Variants in NRXN3 observed in about 807,000 individuals in gnomAD.
NRXN3 encodes neurexin 3, also known as neurexin III.
NRXN3 carries 32 observed loss-of-function variants against 137.6 expected under a neutral mutation model. The observed-to-expected ratio is 0.23, with a 90% CI of 0.18 to 0.31. NRXN3 has a LOEUF of 0.31. Ranked by LOEUF, NRXN3 falls within the 10% of genes least tolerant of loss-of-function variation. The pLI, the probability that NRXN3 is intolerant of heterozygous loss-of-function variation, is 1.00. For synonymous variants in NRXN3, 798 were observed against 784.5 expected, an observed-to-expected ratio of 1.02 and a Z score of -0.29; for missense variants, 1,574 against 2,062.5, an observed-to-expected ratio of 0.76 and a Z score of 4.59.
chr14:78,236,117 C>A (rs765816836), intron 1 of NRXN3, among the ~76,000 whole-genome samples: 31 of 152,106 alleles, frequency 2.0e-4, no homozygotes, highest in Non-Finnish European at 1.8e-4. Flanking sequence ...CATTAAGTTG[C>A]TTTTATTGAA....
intron 8 of NRXN3, among the ~76,000 whole-genome samples, chr14:78,767,582 G>A (rs1206877130): frequency 2.0e-5 from 3 of 152,198 alleles, no homozygotes; most frequent in African/African-American, 7.2e-5. Context: ...AATTGTTACA[G>A]TGAAATTAGA....
chr14:79,055,312 T>C (rs1468175556), intron 15 of NRXN3, among the ~76,000 whole-genome samples: 1 of 152,226 alleles, frequency 6.6e-6, no homozygotes, highest in East Asian at 1.9e-4. Context: ...ATTGGGCAAG[T>C]GGCAGTATAC....
At chr14:79,438,861 C>T (rs1382837090) in intron 15 of NRXN3, among the ~76,000 whole-genome samples, 2 of 152,112 alleles carry the variant, frequency 1.3e-5, no homozygotes, top group African/African-American at 4.8e-5. Context: ...AAGTAGAAGC[C>T]CGATGACTTC....
intron 16 of NRXN3, among the ~76,000 whole-genome samples, chr14:79,589,655 G>A (rs1246223444): frequency 1.3e-5 from 2 of 149,436 alleles, no homozygotes; most frequent in East Asian, 3.9e-4. Context: ...TGCTTTTTAA[G>A]TGGCATTTTC....
intron 4 of NRXN3, among the ~76,000 whole-genome samples, chr14:78,394,899 C>A (rs79751276): frequency 2.0e-5 from 3 of 151,434 alleles, no homozygotes; most frequent in African/African-American, 7.3e-5. Context: ...TTGATATGTT[C>A]GGGGGCTGTA....
intron 19 of NRXN3, among the ~76,000 whole-genome samples, chr14:79,796,802 G>A (rs2099162266): frequency 6.6e-6 from 1 of 152,196 alleles, no homozygotes; most frequent in Admixed American, 6.5e-5. Context: ...GATGGGTAGA[G>A]GTTTTAGGGA....
At chr14:79,460,985 C>T (rs777127241) in intron 15 of NRXN3, among the ~76,000 whole-genome samples, 2 of 152,162 alleles carry the variant, frequency 1.3e-5, no homozygotes, top group Non-Finnish European at 2.9e-5. Flanking sequence ...GTAGATAAAA[C>T]AGATCATTCA....
chr14:79,028,349 T>C (rs561613602), intron 15 of NRXN3, among the ~76,000 whole-genome samples: 1 of 152,282 alleles, frequency 6.6e-6, no homozygotes, highest in South Asian at 2.1e-4. Flanking sequence ...TTTTGAGCTC[T>C]TTTTCAGAAT....
intron 16 of NRXN3, 86 bp from the exon 17 acceptor site, chr14:79,663,692 G>A (rs2098545155): frequency 1.7e-6 from 2 of 1,187,096 alleles, no homozygotes; most frequent in South Asian, 1.4e-5. Context: ...GCACCTACAG[G>A]TTTATTGCTG....
intron 15 of NRXN3, among the ~76,000 whole-genome samples, chr14:79,449,546 T>C (rs1413020636): frequency 6.6e-6 from 1 of 152,222 alleles, no homozygotes; most frequent in Admixed American, 6.5e-5. Context: ...ACTTCTCTTA[T>C]CACTTCCTTG....
At chr14:78,171,646 C>T (rs777010931) in intron 1 of NRXN3, among the ~76,000 whole-genome samples, 1 of 151,600 alleles carries the variant, frequency 6.6e-6, no homozygotes, top group Non-Finnish European at 1.5e-5. Flanking sequence ...AAAAATGTGT[C>T]CCCCCACCCC....
At chr14:78,746,382 A>C (rs1009139749) in intron 8 of NRXN3, among the ~76,000 whole-genome samples, 5 of 152,226 alleles carry the variant, frequency 3.3e-5, no homozygotes, top group Non-Finnish European at 7.3e-5. Flanking sequence ...TCACAAAAGC[A>C]TACTCTTTCC....
chr14:78,712,966 G>C (rs1051272905), intron 7 of NRXN3, among the ~76,000 whole-genome samples: 4 of 152,242 alleles, frequency 2.6e-5, no homozygotes, highest in African/African-American at 9.6e-5. Flanking sequence ...GAATCAGACA[G>C]AGGTGAAGGC....
chr14:79,155,749 A>G (rs1392720034), intron 15 of NRXN3, among the ~76,000 whole-genome samples: 1 of 151,870 alleles, frequency 6.6e-6, no homozygotes, highest in Non-Finnish European at 1.5e-5. Flanking sequence ...TTAAAGATAT[A>G]TAAGTGCTTA....
chr14:78,604,126 C>G (rs1246603934), intron 4 of NRXN3, among the ~76,000 whole-genome samples: 1 of 152,130 alleles, frequency 6.6e-6, no homozygotes, highest in East Asian at 1.9e-4. Context: ...ATAAAATCAT[C>G]AGATCTTGTG....
chr14:78,694,476 T>G (rs1209575235), intron 6 of NRXN3, among the ~76,000 whole-genome samples: 1 of 151,954 alleles, frequency 6.6e-6, no homozygotes, highest in Non-Finnish European at 1.5e-5. Context: ...CCCCAGATCA[T>G]TCTAAGTTTT....
chr14:78,701,066 G>A (rs563500831), intron 6 of NRXN3, among the ~76,000 whole-genome samples: 5 of 152,196 alleles, frequency 3.3e-5, no homozygotes, highest in Non-Finnish European at 5.9e-5. Flanking sequence ...CACTGCGCCC[G>A]GCCTGGAAAT....
At chr14:79,051,643 C>G (rs1490799475) in intron 15 of NRXN3, among the ~76,000 whole-genome samples, 1 of 152,200 alleles carries the variant, frequency 6.6e-6, no homozygotes, top group Admixed American at 6.5e-5. Flanking sequence ...TTTTATGGAG[C>G]TGGCATCAAA....
At chr14:79,081,718 T>C (rs2047053729) in intron 15 of NRXN3, among the ~76,000 whole-genome samples, 1 of 152,128 alleles carries the variant, frequency 6.6e-6, no homozygotes, top group South Asian at 2.1e-4. Flanking sequence ...AAAATGCTCT[T>C]ATAGAGGTAT....
Sources: gnomAD v4.1 joint callset for allele counts (sites outside exome capture counted in the v4.1 genomes callset) on GRCh38, gnomAD v4.1.1 for gene constraint, MANE v1.5 for transcripts, NCBI Gene and HGNC (gene_info 2026-07-23, HGNC 2026-07-21) for gene names.